The following GAPVD1 variants were observed in gnomAD, a reference collection of about 807,000 sequenced individuals.
The protein encoded by GAPVD1 is GTPase-activating protein and VPS9 domain-containing protein 1.
GAPVD1 carries 35 observed loss-of-function variants against 155.5 expected under a neutral mutation model. That is an observed-to-expected ratio of 0.23 (90% confidence interval 0.17 to 0.30). GAPVD1 has a LOEUF of 0.30. Among genes scored for constraint, GAPVD1 ranks in the 10% least tolerant of loss-of-function variants. The probability of loss-of-function intolerance (pLI) is 1.00; values close to 1 mark genes in which losing one functional copy is unlikely to be tolerated. For synonymous variants in GAPVD1, 636 were observed against 619.7 expected (o/e 1.03, Z -0.39); for missense variants, 1,429 against 1,775.7 (o/e 0.80, Z 3.51).
At chr9:125,339,860 A>G (rs1482232383) in intron 17 of GAPVD1, among the ~76,000 whole-genome samples, 1 of 152,152 alleles carries the variant, frequency 6.6e-6, no homozygotes, top group South Asian at 2.1e-4. Context: ...CCCACTGTTA[A>G]GTTAACTCTT....
intron 10 of GAPVD1, among the ~76,000 whole-genome samples, chr9:125,322,494 A>C (rs1176077977): frequency 6.6e-6 from 1 of 152,194 alleles, no homozygotes; most frequent in Non-Finnish European, 1.5e-5. Flanking sequence ...TTCATTCTAC[A>C]AAACAGAGAA....
Position 125,330,180 on chromosome 9 carries a change from G to A in GAPVD1, c.2135G>A (p.Ser712Asn), listed in dbSNP as rs145182140. The change falls in exon 13 of 28, where the codon AGT becomes AAT. Residue 712 changes from serine (S) to asparagine (N), a missense_variant. Transcript: ENST00000297933. The stretch of plus-strand genomic sequence containing the variant: ...GGTTCTACCATATCAGAGACAACAA[G>A]TGAAGCTTGGAGTGTAGAGGTATTG... ...CTGSTISETT[S>N]EAWSVEVLPS... is the part of the protein sequence containing the mutation. The A allele has an allele frequency of 2.5e-6, 4 of 1,612,804 alleles. No individual in the cohort carries two copies. Among genetic ancestry groups the A allele is most frequent in the African/African-American group, 1.3e-5 (1 of 74,876 alleles).
Position 125,300,041 on chromosome 9 carries a change from ATATATATATATATATATATATATAT to A in GAPVD1, c.185+936_185+960del. Among the ~76,000 whole-genome samples the A allele has an allele frequency of 2.5e-3, 34 of 13,558 alleles. 7 individuals carry two copies. The highest frequency in any genetic ancestry group is 5.1e-3 in the African/African-American group (16 of 3,150). The allele number at this position is 13,558 out of a possible 152,430, so 8.9% of individuals were successfully genotyped here. On this transcript the variant is annotated intron_variant, in intron 4 of 27. Transcript: ENST00000297933. ...CTCAAAAGAAAAAAAAAAAAAAAATATATATATATATATATATATATATATATATATATATATATATATATATATA... is the reference window on the plus strand; with the variant it reads ...CTCAAAAGAAAAAAAAAAAAAAAATAATATATATATATATATATATATATA...
chr9:125,341,102 A>T (rs1326053130), intron 17 of GAPVD1, 75 bp from the exon 18 acceptor site: 1 of 846,890 alleles, frequency 1.2e-6, no homozygotes, highest in Non-Finnish European at 2.1e-6. Flanking sequence ...AACAAAAACA[A>T]ACAAAAAGAA....
chr9:125,307,738 T>G lies in GAPVD1; in HGVS notation c.1299T>G (p.Asp433Glu), dbSNP rs750707747. Reference sequence around the variant, plus strand: ...TGTCTGGAGATCAACTGAGAGAAGATAGAATGGCTCTTGACAATTTATTGG... The same window carrying G: ...TGTCTGGAGATCAACTGAGAGAAGAGAGAATGGCTCTTGACAATTTATTGG... Reference protein sequence around the residue: ...SVMSGDQLREDRMALDNLLAN... With the variant: ...SVMSGDQLREERMALDNLLAN... The change falls in exon 8 of 28, where the codon GAT becomes GAG. Residue 433 changes from aspartate (D) to glutamate (E), a missense_variant. This residue lies in a region of GAPVD1 where 628 missense variants were observed against 733.4 expected (regional missense o/e 0.86). Transcript: ENST00000297933. 6.2e-7 allele frequency: 1 copy of G among 1,614,104 alleles called. No homozygotes were observed. Among genetic ancestry groups the G allele is most frequent in the African/African-American group, 1.3e-5 (1 of 75,038 alleles).
At chr9:125,262,424 C>G (rs1588450280) in intron 1 of GAPVD1, among the ~76,000 whole-genome samples, 1 of 152,214 alleles carries the variant, frequency 6.6e-6, no homozygotes, top group Admixed American at 6.5e-5. Flanking sequence ...CAGACACTCA[C>G]TGTACTTGGC....
At chr9:125,323,278 A>T (rs1475003496) in intron 10 of GAPVD1, among the ~76,000 whole-genome samples, 10 of 147,116 alleles carry the variant, frequency 6.8e-5, no homozygotes, top group Admixed American at 2.0e-4. Flanking sequence ...GCTAATTTTT[A>T]TATTTTTTGT....
intron 3 of GAPVD1, among the ~76,000 whole-genome samples, chr9:125,297,590 G>A (rs1254896867): frequency 1.3e-5 from 2 of 152,168 alleles, no homozygotes; most frequent in Non-Finnish European, 2.9e-5. Flanking sequence ...GAAGGCAGAT[G>A]TTCTGGAGCT....
Position 125,366,566 on chromosome 9 carries a change from T to C in GAPVD1, c.*3820T>C, listed in dbSNP as rs980068605. On this transcript the variant is annotated 3_prime_UTR_variant, in exon 28 of 28. Transcript: ENST00000297933. ...GTCTCTCTTTTTAAATATTTAAGTC[T>C]AGTGAGTTTATTTTGTACGCAATTG... The C allele has an allele frequency of 1.3e-5, 2 of 152,196 alleles. No homozygotes were observed. Among genetic ancestry groups the C allele is most frequent in the African/African-American group, 4.8e-5 (2 of 41,448 alleles). 9.4% of individuals were successfully genotyped at this position (152,196 alleles called of 1,614,324 possible). A position where few individuals can be genotyped will look rare whatever the true frequency, so the allele number is the denominator to read the frequency against.
chr9:125,274,505 C>T (rs1318818968), intron 2 of GAPVD1, among the ~76,000 whole-genome samples: 8 of 149,438 alleles, frequency 5.4e-5, no homozygotes, highest in Non-Finnish European at 3.0e-5. Context: ...CTCTTGTTGC[C>T]CAGGCTGGAG....
chr9:125,293,854 A>ATATATATAAATATAT (rs1839188456), intron 2 of GAPVD1, among the ~76,000 whole-genome samples: 31 of 4,176 alleles, frequency 7.4e-3, no homozygotes, highest in African/African-American at 0.053. Context: ...AATATATTTT[A>ATATATATAAATATAT]TATATATATA....
chr9:125,309,131 T>C (rs1411642973), intron 8 of GAPVD1: 1 of 152,210 alleles, frequency 6.6e-6, no homozygotes, highest in Non-Finnish European at 1.5e-5. Flanking sequence ...ACTTTTAAAC[T>C]TCTGTGAGCT....
At position 125,293,728 on chromosome 9, in the gene GAPVD1, A is replaced by G. The variant is rs1021809710; in HGVS notation, c.-149-1730A>G. ...ATATATATTTTTATATTTTATATAA[A>G]TATATATTTTATGTTTTTATAAAAT... On this transcript the variant is annotated intron_variant, in intron 2 of 27. Coordinates refer to ENST00000297933, the MANE Select transcript of GAPVD1 (RefSeq NM_001282680.3). Among the ~76,000 whole-genome samples, 30 of 72,364 alleles carry G rather than the reference A, an allele frequency of 4.1e-4. No individual in the cohort carries two copies. The East Asian group carries it at 7.7e-3, about 18-fold the overall frequency. 47.5% of individuals were successfully genotyped at this position (72,364 alleles called of 152,430 possible).
In GAPVD1 at chr9:125,336,309, A is replaced by AC. The variant is rs1419062065; in HGVS notation, c.2429-709_2429-708insC. 4.0e-5 allele frequency among the ~76,000 whole-genome samples: 6 copies of AC among 151,622 alleles called. No individual in the cohort carries two copies. In the East Asian group the frequency reaches 7.7e-4, roughly 20 times the overall value. On this transcript the variant is annotated intron_variant, in intron 15 of 27. Transcript: ENST00000297933. ...TGAGACCAAAAAAAAAAAAAAACAA[A>AC]AAACAAAAAATAGCTTCAGACTAAA...
intron 2 of GAPVD1, among the ~76,000 whole-genome samples, chr9:125,271,448 A>G (rs912302968): frequency 3.9e-5 from 6 of 152,202 alleles, no homozygotes; most frequent in Non-Finnish European, 7.4e-5. Flanking sequence ...TAGTCAAGGC[A>G]TATTAGTCTT....
At chr9:125,325,426 G>A (rs1343774192) in intron 11 of GAPVD1, among the ~76,000 whole-genome samples, 1 of 148,584 alleles carries the variant, frequency 6.7e-6, no homozygotes, top group Admixed American at 6.8e-5. Context: ...GGAGGCTGAG[G>A]CAGGAGAATG....
chr9:125,355,199 C>G (rs1819328309), intron 24 of GAPVD1, among the ~76,000 whole-genome samples: 1 of 89,014 alleles, frequency 1.1e-5, no homozygotes, highest in Non-Finnish European at 2.0e-5. Flanking sequence ...TCACTGCAAC[C>G]TCTGTCTCCC....
chr9:125,286,786 G>A (rs1447186565), intron 2 of GAPVD1, among the ~76,000 whole-genome samples: 1 of 152,020 alleles, frequency 6.6e-6, no homozygotes, highest in African/African-American at 2.4e-5. Flanking sequence ...TTTCAAATTG[G>A]TGGTATCAAA....
At chr9:125,267,157 C>T (rs898260361) in intron 1 of GAPVD1, among the ~76,000 whole-genome samples, 1 of 152,168 alleles carries the variant, frequency 6.6e-6, no homozygotes, top group African/African-American at 2.4e-5. Flanking sequence ...TTCATATACC[C>T]TTCACCTAGA....
Sources: allele counts gnomAD v4.1 joint callset (sites outside exome capture counted in the v4.1 genomes callset), GRCh38; gene constraint gnomAD v4.1.1; regional missense constraint gnomAD v4.1.1; transcripts MANE v1.5; gene names NCBI Gene and HGNC (gene_info 2026-07-23, HGNC 2026-07-21).